Variants in TUSC3 observed in about 807,000 individuals in gnomAD.
The protein encoded by TUSC3 is dolichyl-diphosphooligosaccharide--protein glycosyltransferase subunit TUSC3.
A neutral mutation model predicts 44.8 loss-of-function variants in TUSC3; 45 were observed. That is an observed-to-expected ratio of 1.00 (90% confidence interval 0.79 to 1.29). The LOEUF (loss-of-function observed/expected upper bound fraction) is 1.29. Ranked by LOEUF, TUSC3 falls within the 50% of genes most tolerant of loss-of-function variation. The pLI is 0.00. For synonymous variants in TUSC3, 212 were observed against 152.9 expected, an observed-to-expected ratio of 1.39 and a Z score of -2.85; for missense variants, 519 against 437.9, an observed-to-expected ratio of 1.19 and a Z score of -1.65.
upstream of TUSC3, among the ~76,000 whole-genome samples, chr8:15,536,281 A>G (rs1801520486): frequency 6.6e-6 from 1 of 152,198 alleles, no homozygotes; most frequent in South Asian, 2.1e-4. Context: ...AAGGTAATGT[A>G]AAGTCCTGAG....
intron 10 of TUSC3, among the ~76,000 whole-genome samples, chr8:15,759,663 G>A (rs1015057124): frequency 6.6e-6 from 1 of 151,816 alleles, no homozygotes; most frequent in African/African-American, 2.4e-5. Context: ...AGCCCCTCTT[G>A]GAAACTTCAT....
chr8:15,684,527 C>T (rs1416160252), intron 6 of TUSC3, among the ~76,000 whole-genome samples: 1 of 152,176 alleles, frequency 6.6e-6, no homozygotes, highest in Non-Finnish European at 1.5e-5. Flanking sequence ...AAGCCTTCTG[C>T]ACCTAGATCA....
chr8:15,693,993 G>A (rs1809035637), intron 6 of TUSC3, among the ~76,000 whole-genome samples: 1 of 152,022 alleles, frequency 6.6e-6, no homozygotes, highest in South Asian at 2.1e-4. Flanking sequence ...GCTCAGTTTA[G>A]TTCTTTGTTG....
chr8:15,554,748 G>A (rs1230696938), intron 1 of TUSC3, among the ~76,000 whole-genome samples: 12 of 149,990 alleles, frequency 8.0e-5, no homozygotes, highest in South Asian at 6.4e-4. Context: ...GACCACAGGC[G>A]CCCTCACCAC....
rs1397845265 is a variant in TUSC3 at position 15,670,566 on chromosome 8, C to T, written c.709-3181C>T. On this transcript the variant is annotated intron_variant, in intron 5 of 10. Transcript: ENST00000503731. The stretch of plus-strand genomic sequence containing the variant: ...GAATCGTGAATCTAAAAGTAAAATG[C>T]GAACATTAGCACTTTTAGAAGAAAG... Among the ~76,000 whole-genome samples, 5 of 151,832 alleles carry T rather than the reference C, an allele frequency of 3.3e-5. No homozygotes were observed. In the South Asian group the frequency reaches 6.2e-4, roughly 19 times the overall value.
At chr8:15,519,637 G>C (rs535087240) in intron 2 of TUSC3, among the ~76,000 whole-genome samples, 5 of 152,146 alleles carry the variant, frequency 3.3e-5, no homozygotes, top group Non-Finnish European at 7.3e-5. Flanking sequence ...CTGATGATCT[G>C]AGGTGCAACA....
intron 1 of TUSC3, among the ~76,000 whole-genome samples, chr8:15,464,921 C>T (rs949106676): frequency 5.3e-5 from 8 of 152,132 alleles, no homozygotes; most frequent in African/African-American, 1.9e-4. Context: ...GTGATCTTGG[C>T]TCACTGCAAC....
At chr8:15,535,260 A>T (rs907541722), upstream of TUSC3, among the ~76,000 whole-genome samples, 4 of 152,236 alleles carry the variant, frequency 2.6e-5, no homozygotes, top group African/African-American at 9.6e-5. Context: ...TTGAAGGCTT[A>T]TGTTTTAAAG....
chr8:15,452,954 A>G (rs1179015207), intron 1 of TUSC3, among the ~76,000 whole-genome samples: 1 of 152,058 alleles, frequency 6.6e-6, no homozygotes, highest in Non-Finnish European at 1.5e-5. Context: ...TTATCCCTGC[A>G]CCACCAGACC....
intron 2 of TUSC3, among the ~76,000 whole-genome samples, chr8:15,497,551 T>G (rs1351125066): frequency 6.6e-6 from 1 of 152,030 alleles, no homozygotes; most frequent in Admixed American, 6.6e-5. Flanking sequence ...TTCGGAGGGG[T>G]GGCATTTAAA....
rs777393165 is a variant in TUSC3 at position 15,540,403 on chromosome 8, C to A, written c.-28C>A. ...AGGAGCTGGGCGCGCACGGCTACCG[C>A]GCGTGGAGGAGACACTGCCCTGCCG... On this transcript the variant is annotated 5_prime_UTR_variant, in exon 1 of 11. Coordinates refer to ENST00000503731, the MANE Select transcript of TUSC3 (RefSeq NM_006765.4). 7 of 1,543,936 alleles carry A rather than the reference C, an allele frequency of 4.5e-6. No individual in the cohort carries two copies. The South Asian group carries it at 7.1e-5, about 16-fold the overall frequency.
chr8:15,819,814 C>A, the TUSC3 span, among the ~76,000 whole-genome samples: 2 of 152,146 alleles, frequency 1.3e-5, no homozygotes, highest in Non-Finnish European at 2.9e-5. Flanking sequence ...TCTAGAAAGG[C>A]TGAAATTTTC....
At chr8:15,601,287 G>T (rs1025676007) in intron 1 of TUSC3, among the ~76,000 whole-genome samples, 1 of 151,382 alleles carries the variant, frequency 6.6e-6, no homozygotes, top group Non-Finnish European at 1.5e-5. Context: ...TTTCCCCCCC[G>T]TTGCCTATAA....
At chr8:15,846,094 T>A in the TUSC3 span, among the ~76,000 whole-genome samples, 1 of 152,114 alleles carries the variant, frequency 6.6e-6, no homozygotes, top group Non-Finnish European at 1.5e-5. Flanking sequence ...CTGGCTTCCA[T>A]GATTCAATTA....
At chr8:15,587,777 T>A (rs1006085091) in intron 1 of TUSC3, among the ~76,000 whole-genome samples, 54 of 152,124 alleles carry the variant, frequency 3.5e-4, no homozygotes, top group African/African-American at 1.2e-3. Flanking sequence ...TCTACTAGTA[T>A]GAACTCATTT....
In TUSC3 at chr8:15,502,530, G is replaced by A. The variant is rs191576464; in HGVS notation, n.189+19047G>A. On this transcript the variant is annotated intron_variant and non_coding_transcript_variant, in intron 2 of 5. Transcript: ENST00000503191. Reference sequence around the variant, plus strand: ...GTTTGAGACGGAGTCTCGCTCTGTCGCCTGGGCTGGAGTGCAGTGGCGCGA... The same window carrying A: ...GTTTGAGACGGAGTCTCGCTCTGTCACCTGGGCTGGAGTGCAGTGGCGCGA... 8.5e-5 allele frequency among the ~76,000 whole-genome samples: 13 copies of A among 152,206 alleles called. No individual in the cohort carries two copies. The East Asian group carries it at 9.7e-4, about 11-fold the overall frequency.
the TUSC3 span, among the ~76,000 whole-genome samples, chr8:15,791,840 A>C: frequency 3.1e-4 from 47 of 152,274 alleles, no homozygotes; most frequent in African/African-American, 1.1e-3. Context: ...TCACCACTCC[A>C]GCTCATCAAC....
chr8:15,663,258 CATTAT>C (rs1303284910), intron 5 of TUSC3, among the ~76,000 whole-genome samples: 1 of 151,270 alleles, frequency 6.6e-6, no homozygotes, highest in East Asian at 1.9e-4. Context: ...TAGATAAATA[CATTAT>C]ATATCTGTAT....
chr8:15,598,991 T>G (rs566419095), intron 1 of TUSC3, among the ~76,000 whole-genome samples: 1 of 151,882 alleles, frequency 6.6e-6, no homozygotes, highest in East Asian at 1.9e-4. Context: ...GTGGTTAAAA[T>G]TATGGTAATT....
Sources: allele counts gnomAD v4.1 joint callset (sites outside exome capture counted in the v4.1 genomes callset), GRCh38; gene constraint gnomAD v4.1.1; transcripts MANE v1.5; gene names NCBI Gene and HGNC (gene_info 2026-07-23, HGNC 2026-07-21).